BTNL9: variants seen among roughly 807,000 people sequenced by gnomAD.
The protein encoded by BTNL9 is butyrophilin-like protein 9.
BTNL9 carries 45 observed loss-of-function variants against 45.8 expected under a neutral mutation model. That is an observed-to-expected ratio of 0.98 (90% CI 0.77 to 1.26). BTNL9 has a LOEUF of 1.26. Ranked by LOEUF, BTNL9 falls within the 50% of genes most tolerant of loss-of-function variation. The pLI, the probability that BTNL9 is intolerant of heterozygous loss-of-function variation, is 0.00. For missense variants in BTNL9, 784 were observed against 729.7 expected (o/e 1.07, Z -0.86); for synonymous variants, 346 against 330.8 (o/e 1.05, Z -0.50).
At chr5:181,048,855 T>TATCA (rs1761370556) in intron 3 of BTNL9, among the ~76,000 whole-genome samples, 4 of 132,642 alleles carry the variant, frequency 3.0e-5, no homozygotes, top group Non-Finnish European at 6.2e-5. Flanking sequence ...TTATATAATA[T>TATCA]TATATAATTA....
In BTNL9 at chr5:181,043,948, CTG is replaced by C. The variant is rs552263321; in HGVS notation, c.-23-1518_-23-1517del. ...TATTGTGTGAATCGTGTTCCAATAA[CTG>C]AGAGGTGTCAACACGGCCCCGCTTC... On this transcript the variant is annotated intron_variant, in intron 1 of 10. Transcript: ENST00000327705. Among the ~76,000 whole-genome samples, 112 of 152,364 alleles carry C rather than the reference CTG, an allele frequency of 7.4e-4. 2 individuals are homozygous for C. The South Asian group carries it at 0.023, about 31-fold the overall frequency.
chr5:181,051,576 A>C (rs1385659720), intron 4 of BTNL9, among the ~76,000 whole-genome samples: 28 of 152,216 alleles, frequency 1.8e-4, no homozygotes, highest in Admixed American at 1.8e-3. Flanking sequence ...CGTCTAGGGC[A>C]TACAACTTGG....
At position 181,055,209 on chromosome 5, in the gene BTNL9, C is replaced by T. The variant is rs1761814724; in HGVS notation, c.908-224C>T. 7.1e-7 allele frequency: 1 copy of T among 1,417,336 alleles called. No individual in the cohort carries two copies. Among genetic ancestry groups the T allele is most frequent in the African/African-American group, 1.4e-5 (1 of 69,172 alleles). 87.8% of individuals were successfully genotyped at this position (1,417,336 alleles called of 1,614,324 possible). ...TCTGGTATCCCTTCTAGGCTGTGTG[C>T]AGATTTCCACCTTTGAGCTAAGATA... On this transcript the variant is annotated intron_variant, in intron 7 of 10. Coordinates refer to ENST00000327705, the MANE Select transcript of BTNL9 (RefSeq NM_152547.5). This position sits in a 1 kb window ranked among gnomAD's most constrained non-coding sequence, Gnocchi z 4.4.
At position 181,045,568 on chromosome 5, in the gene BTNL9, C is replaced by T. The variant is rs1287685338; in HGVS notation, c.79C>T (p.Leu27Phe). 1.2e-6 allele frequency: 2 copies of T among 1,612,738 alleles called. No individual in the cohort carries two copies. The highest frequency in any genetic ancestry group is 1.7e-5 in the Admixed American group (1 of 59,962). The change falls in exon 2 of 11, where the codon CTC becomes TTC. Residue 27 changes from leucine to phenylalanine, a missense_variant. Physicochemically the swap from Leu to Phe is conservative, Grantham distance 22. Coordinates refer to ENST00000327705, the MANE Select transcript of BTNL9 (RefSeq NM_152547.5). ...CAGTCTTGTCTTCCTCATGCACCTC[C>T]TCCTCCTTCAGCCTGGGGAGCCGAG... ...TSSLVFLMHLLLLQPGEPSSE... is the reference protein window; with the variant it reads ...TSSLVFLMHLFLLQPGEPSSE...
At chr5:181,056,649 G>C (rs528187203) in intron 9 of BTNL9, 1 of 716,834 alleles carries the variant, frequency 1.4e-6, no homozygotes, top group African/African-American at 1.7e-5. Context: ...GCGCTGTGTG[G>C]AGATTTCTCT....
Position 181,059,329 on chromosome 5 carries a change from CCGGCGCCT to C in BTNL9, c.1076_1083del (p.Pro359ArgfsTer147). 1 of 1,550,470 alleles carries C rather than the reference CCGGCGCCT, an allele frequency of 6.4e-7. No homozygotes were observed. The highest frequency in any genetic ancestry group is 1.4e-5 in the African/African-American group (1 of 73,466). ...GTCTTCCCGCGGGGCGCCGCCAGGC[CCGGCGCCT>C]GGCCACCCGCAGCGGTTCTCGGAGC... On this transcript the variant is annotated frameshift_variant, in exon 11 of 11. Transcript: ENST00000327705. LOFTEE classifies it low-confidence loss of function (END_TRUNC).
chr5:181,054,410 T>C, intron 7 of BTNL9, 151 bp downstream of exon 7: 1 of 1,491,886 alleles, frequency 6.7e-7, no homozygotes, highest in South Asian at 1.4e-5. Flanking sequence ...GCTAAGGGGC[T>C]GAAAGGATGG....
intron 4 of BTNL9, among the ~76,000 whole-genome samples, chr5:181,051,472 G>A (rs151231563): frequency 4.5e-4 from 69 of 152,248 alleles, no homozygotes; most frequent in Middle Eastern, 3.4e-3. Flanking sequence ...TGGCAACACC[G>A]CTTACCACAG....
intron 2 of BTNL9, 30 bp from the exon 3 acceptor site, chr5:181,047,897 G>A: frequency 2.5e-6 from 4 of 1,583,662 alleles, no homozygotes; most frequent in Non-Finnish European, 3.5e-6. Flanking sequence ...GATGAGGGTT[G>A]CTTTTGCCTG....
At chr5:181,058,270 A>G in intron 9 of BTNL9, 82 bp from the exon 10 acceptor site, 3 of 1,515,438 alleles carry the variant, frequency 2.0e-6, no homozygotes, top group Non-Finnish European at 2.8e-6. Context: ...TGCATCCCTC[A>G]TACATCTGGA....
intron 1 of BTNL9, among the ~76,000 whole-genome samples, chr5:181,045,255 C>G (rs1045516035): frequency 6.6e-6 from 1 of 152,148 alleles, no homozygotes; most frequent in Non-Finnish European, 1.5e-5. Context: ...TGAACCTGGG[C>G]AAGGCCACGG....
intron 1 of BTNL9, among the ~76,000 whole-genome samples, chr5:181,041,286 G>T (rs1278250120): frequency 3.3e-5 from 5 of 152,202 alleles, no homozygotes; most frequent in Non-Finnish European, 7.3e-5. Context: ...TGCCAGGTTC[G>T]GAGATGTCCT....
At position 181,053,981 on chromosome 5, in the gene BTNL9, C is replaced by A; in HGVS notation, c.887-258C>A. Reference sequence around the variant, plus strand: ...GCCGAGCTAATAGATTTGGGAGGCTCCGACCCTGATTTTCACACTAGCAGG... The same window carrying A: ...GCCGAGCTAATAGATTTGGGAGGCTACGACCCTGATTTTCACACTAGCAGG... On this transcript the variant is annotated intron_variant, in intron 6 of 10. Coordinates refer to ENST00000327705, the MANE Select transcript of BTNL9 (RefSeq NM_152547.5). The surrounding 1 kb of genome is among the most constrained non-coding windows in gnomAD (Gnocchi z 6.5). The A allele has an allele frequency of 6.5e-7, 1 of 1,532,908 alleles. No individual in the cohort carries two copies. Among genetic ancestry groups the A allele is most frequent in the South Asian group, 1.2e-5 (1 of 83,162 alleles). 95.0% of individuals were successfully genotyped at this position (1,532,908 alleles called of 1,614,324 possible).
Position 181,055,024 on chromosome 5 carries a change from C to A in BTNL9, c.908-409C>A. 1.0e-6 allele frequency: 1 copy of A among 985,400 alleles called. No homozygotes were observed. The highest frequency in any genetic ancestry group is 1.2e-6 in the Non-Finnish European group (1 of 829,930). The allele number at this position is 985,400 out of a possible 1,614,324, so 61.0% of individuals were successfully genotyped here. A position where few individuals can be genotyped will look rare whatever the true frequency, so the allele number is the denominator to read the frequency against. On this transcript the variant is annotated intron_variant, in intron 7 of 10. Transcript: ENST00000327705. This position sits in a 1 kb window ranked among gnomAD's most constrained non-coding sequence, Gnocchi z 4.4. ...TTGGGGAAATAATTGGGTGTGATGT[C>A]CTTCCAGTCCTTCAGATAACGCACC...
In BTNL9 at chr5:181,048,255, G is replaced by C; in HGVS notation, c.438G>C (p.Trp146Cys). Residue 146 changes from tryptophan (W) to cysteine (C), a missense_variant, in exon 3 of 11, where the codon TGG becomes TGC. Trp to Cys is a radical substitution (Grantham distance 215, BLOSUM62 -2). Transcript: ENST00000327705. ...ACAACTTCTCTGGCGAAGCTCTCTG[G>C]GAACTGGAGGTAGCAGGTGCGTGGA... Reference protein sequence around the residue: ...HSDNFSGEALWELEVAGLGSD... With the variant: ...HSDNFSGEALCELEVAGLGSD... The C allele has an allele frequency of 6.2e-7, 1 of 1,610,436 alleles. No individual in the cohort carries two copies. Among genetic ancestry groups the C allele is most frequent in the Non-Finnish European group, 8.5e-7 (1 of 1,177,778 alleles).
rs757020748 is a variant in BTNL9 at position 181,048,155 on chromosome 5, A to G, written c.338A>G (p.Tyr113Cys). ...AAGTTGGTCAAGGACGACATCGCCT[A>G]TGGCAGCGTGGTCCTGCAGCTTCAC... ...RTKLVKDDIA[Y>C]GSVVLQLHSI... Residue 113 changes from tyrosine to cysteine, a missense_variant, in exon 3 of 11, where the codon TAT (tyrosine) becomes TGT (cysteine). Physicochemically the swap from Tyr to Cys is radical, Grantham distance 194. Coordinates refer to ENST00000327705, the MANE Select transcript of BTNL9 (RefSeq NM_152547.5). 1.9e-6 allele frequency: 3 copies of G among 1,613,454 alleles called. No individual in the cohort carries two copies. In the South Asian group the frequency reaches 3.3e-5, roughly 18 times the overall value.
chr5:181,058,476 G>A, intron 10 of BTNL9, 98 bp downstream of exon 10: 1 of 1,539,210 alleles, frequency 6.5e-7, no homozygotes, highest in South Asian at 1.1e-5. Flanking sequence ...GGGCTTTATA[G>A]GAGCCAAGTA....
At position 181,042,734 on chromosome 5, in the gene BTNL9, A is replaced by G. The variant is rs1554153050; in HGVS notation, c.-24+2302A>G. Among the ~76,000 whole-genome samples the G allele has an allele frequency of 6.6e-6, 1 of 152,188 alleles. No homozygotes were observed. The highest frequency in any genetic ancestry group is 1.5e-5 in the Non-Finnish European group (1 of 68,016). ...TCAGCTTTAAGTTGTTTTATCTGGC[A>G]GCGGGATTTTAAATTTTGTATTCAT... On this transcript the variant is annotated intron_variant, in intron 1 of 10. Coordinates refer to ENST00000327705, the MANE Select transcript of BTNL9 (RefSeq NM_152547.5). The surrounding 1 kb of genome is among the most constrained non-coding windows in gnomAD (Gnocchi z 4.5).
chr5:181,044,669 T>C (rs967794878), intron 1 of BTNL9, among the ~76,000 whole-genome samples: 3 of 152,124 alleles, frequency 2.0e-5, no homozygotes, highest in East Asian at 1.9e-4. Context: ...CAGAGACTCA[T>C]TGGCAGCAGC....
Sources: allele counts gnomAD v4.1 joint callset (sites outside exome capture counted in the v4.1 genomes callset), GRCh38; gene constraint gnomAD v4.1.1; non-coding constraint Gnocchi (gnomAD v3.1); transcripts MANE v1.5; gene names NCBI Gene and HGNC (gene_info 2026-07-23, HGNC 2026-07-21).